The following SLC35A1 variants were observed in gnomAD, a reference collection of about 807,000 sequenced individuals.
SLC35A1 encodes CMP-sialic acid transporter.
A neutral mutation model predicts 40.3 loss-of-function variants in SLC35A1; 21 were observed. That is an observed-to-expected ratio of 0.52 (90% CI 0.37 to 0.75). The LOEUF is 0.75. Among genes scored for constraint, SLC35A1 ranks in the 30% least tolerant of loss-of-function variants. The probability of loss-of-function intolerance (pLI) is 0.00; values close to 1 mark genes in which losing one functional copy is unlikely to be tolerated. For missense variants in SLC35A1, 297 were observed against 382.1 expected, an observed-to-expected ratio of 0.78 and a Z score of 1.86; for synonymous variants, 146 against 147.3, an observed-to-expected ratio of 0.99 and a Z score of 0.06.
chr6:87,499,066 A>G (rs1769833690), intron 2 of SLC35A1: 4 of 924,762 alleles, frequency 4.3e-6, no homozygotes, highest in African/African-American at 1.8e-5. Flanking sequence ...TGTAACTAAG[A>G]AGGATGTCTT....
intron 2 of SLC35A1, among the ~76,000 whole-genome samples, chr6:87,487,264 G>A (rs1235921635): frequency 6.6e-6 from 1 of 152,214 alleles, no homozygotes; most frequent in Non-Finnish European, 1.5e-5. Context: ...TGACCTCTTT[G>A]AGAATGAATT....
intron 2 of SLC35A1, among the ~76,000 whole-genome samples, chr6:87,492,545 A>ATT (rs59459204): frequency 1.3e-4 from 15 of 115,040 alleles, no homozygotes; most frequent in African/African-American, 2.8e-4. Flanking sequence ...ATTTATCTTG[A>ATT]TTTTTTTTTT....
chr6:87,505,744 T>A (rs906949511), intron 4 of SLC35A1, among the ~76,000 whole-genome samples: 3 of 152,132 alleles, frequency 2.0e-5, no homozygotes, highest in Admixed American at 2.0e-4. Context: ...AACTAACTCA[T>A]TCCCTCAGTA....
chr6:87,475,553 G>T (rs981838572), intron 1 of SLC35A1, among the ~76,000 whole-genome samples: 2 of 152,098 alleles, frequency 1.3e-5, no homozygotes, highest in Non-Finnish European at 2.9e-5. Flanking sequence ...TATTTCTTCT[G>T]TTTTACTTTT....
In SLC35A1 at chr6:87,501,046, G is replaced by A. The variant is rs184342816; in HGVS notation, c.355-112G>A. On this transcript the variant is annotated intron_variant, in intron 3 of 7. Transcript: ENST00000369552. ...ATTACAGGTGTGAGCCACCGTGCCC[G>A]GCCATTATCAAATATTTTTTATTGA... 6.2e-4 allele frequency: 673 copies of A among 1,086,696 alleles called. 4 individuals are homozygous for A. In the African/African-American group the frequency reaches 8.8e-3, roughly 14 times the overall value. 67.3% of individuals were successfully genotyped at this position (1,086,696 alleles called of 1,614,324 possible).
chr6:87,490,775 A>G (rs1405937626), intron 2 of SLC35A1, among the ~76,000 whole-genome samples: 1 of 152,236 alleles, frequency 6.6e-6, no homozygotes, highest in Non-Finnish European at 1.5e-5. Flanking sequence ...AAAGAAAAGA[A>G]TAATGCCCCC....
chr6:87,504,955 T>C (rs979304946), intron 4 of SLC35A1, among the ~76,000 whole-genome samples: 2 of 152,204 alleles, frequency 1.3e-5, no homozygotes, highest in African/African-American at 4.8e-5. Context: ...GTTCTCAAAC[T>C]TTAGCGTACA....
intron 1 of SLC35A1, among the ~76,000 whole-genome samples, chr6:87,475,000 T>C (rs1354995965): frequency 6.6e-6 from 1 of 152,216 alleles, no homozygotes; most frequent in African/African-American, 2.4e-5. Context: ...TAAAATAAAG[T>C]ACTTTTTAGT....
At chr6:87,482,932 T>C (rs1769285573) in intron 2 of SLC35A1, among the ~76,000 whole-genome samples, 2 of 152,284 alleles carry the variant, frequency 1.3e-5, no homozygotes, top group South Asian at 2.1e-4. Flanking sequence ...CCGGTACAGA[T>C]TGAATGCATT....
chr6:87,502,307 C>G (rs1769943456), intron 4 of SLC35A1, among the ~76,000 whole-genome samples: 1 of 152,200 alleles, frequency 6.6e-6, no homozygotes, highest in Non-Finnish European at 1.5e-5. Flanking sequence ...TAATACGAGG[C>G]ACAGTTTGGT....
chr6:87,480,324 A>G (rs1769209266), intron 2 of SLC35A1, among the ~76,000 whole-genome samples: 1 of 152,218 alleles, frequency 6.6e-6, no homozygotes, highest in South Asian at 2.1e-4. Context: ...TGAAAAAGCT[A>G]CCATGCACTC....
chr6:87,511,477 C>G lies in SLC35A1; in HGVS notation c.965C>G (p.Ser322Cys). 1 of 1,613,764 alleles carries G rather than the reference C, an allele frequency of 6.2e-7. No individual in the cohort carries two copies. The highest frequency in any genetic ancestry group is 2.2e-5 in the East Asian group (1 of 44,848). Residue 322 changes from serine (S) to cysteine (C), a missense_variant, in exon 8 of 8, where the codon TCC becomes TGC. Ser to Cys is a moderately radical substitution (Grantham distance 112, BLOSUM62 -1). Transcript: ENST00000369552. Reference sequence around the variant, plus strand: ...GGATTACCCAGACAAGACACTACATCCATCCAACAAGGAGAAACAGCTTCA... The same window carrying G: ...GGATTACCCAGACAAGACACTACATGCATCCAACAAGGAGAAACAGCTTCA... ...LYGLPRQDTT[S>C]IQQGETASKE... is the part of the protein sequence containing the mutation.
intron 4 of SLC35A1, among the ~76,000 whole-genome samples, chr6:87,503,816 A>G (rs1235932365): frequency 6.6e-6 from 1 of 152,198 alleles, no homozygotes; most frequent in African/African-American, 2.4e-5. Context: ...TCCTTTCAGT[A>G]AGGAAATCTG....
chr6:87,474,528 T>C (rs1769014295), intron 1 of SLC35A1, among the ~76,000 whole-genome samples: 1 of 152,174 alleles, frequency 6.6e-6, no homozygotes. Context: ...GTTACTGGCA[T>C]TGGGTGTGAT....
intron 2 of SLC35A1, among the ~76,000 whole-genome samples, chr6:87,495,272 A>G (rs531252845): frequency 2.8e-4 from 43 of 152,244 alleles, no homozygotes; most frequent in African/African-American, 9.6e-4. Context: ...ACAACTTTTT[A>G]TTGTTTGCTA....
intron 2 of SLC35A1, among the ~76,000 whole-genome samples, chr6:87,478,138 A>G (rs539669326): frequency 1.3e-5 from 2 of 152,286 alleles, no homozygotes; most frequent in South Asian, 4.1e-4. Flanking sequence ...GTTCCTTAAG[A>G]TTACACTGTT....
Position 87,495,431 on chromosome 6 carries a change from A to G in SLC35A1, c.195-5077A>G, listed in dbSNP as rs1415834163. ...CCAGAGAAAATTATTCTACTGTTTC[A>G]TAGTATTATCTAGAGAAATTAATGT... On this transcript the variant is annotated intron_variant, in intron 2 of 7. Coordinates refer to ENST00000369552, the MANE Select transcript of SLC35A1 (RefSeq NM_006416.5). Among the ~76,000 whole-genome samples the G allele has an allele frequency of 2.0e-5, 3 of 152,308 alleles. No individual in the cohort carries two copies. The South Asian group carries it at 6.2e-4, about 32-fold the overall frequency.
At position 87,511,614 on chromosome 6, in the gene SLC35A1, A is replaced by G. The variant is rs1401833689; in HGVS notation, c.*88A>G. 2 of 1,409,230 alleles carry G rather than the reference A, an allele frequency of 1.4e-6. No individual in the cohort carries two copies. The highest frequency in any genetic ancestry group is 4.6e-5 in the East Asian group (2 of 43,806). The allele number at this position is 1,409,230 out of a possible 1,614,324, so 87.3% of individuals were successfully genotyped here. On this transcript the variant is annotated 3_prime_UTR_variant, in exon 8 of 8. Transcript: ENST00000369552. Reference sequence around the variant, plus strand: ...TCAATCTCAGAAGGTAGCATAAACAAATAAAAATTAACTGTATGGCATGAT... The same window carrying G: ...TCAATCTCAGAAGGTAGCATAAACAGATAAAAATTAACTGTATGGCATGAT...
At chr6:87,497,550 GAA>G (rs201115121) in intron 2 of SLC35A1, among the ~76,000 whole-genome samples, 2,582 of 151,590 alleles carry the variant, frequency 0.017, 82 homozygotes, top group African/African-American at 0.06. Flanking sequence ...TGATAAGAAA[GAA>G]AAGAGTGGGG....
Sources: allele counts gnomAD v4.1 joint callset (sites outside exome capture counted in the v4.1 genomes callset), GRCh38; gene constraint gnomAD v4.1.1; transcripts MANE v1.5; gene names NCBI Gene and HGNC (gene_info 2026-07-23, HGNC 2026-07-21).